The following OVAAL variants were observed in gnomAD, a reference collection of about 807,000 sequenced individuals.
OVAAL encodes the protein ovarian adenocarcinoma amplified long non-coding RNA, also known as long intergenic non-protein coding RNA 1131.
chr1:180,560,870 A>G (rs1653189489), intron 1 of OVAAL, among the ~76,000 whole-genome samples: 1 of 152,246 alleles, frequency 6.6e-6, no homozygotes, highest in Non-Finnish European at 1.5e-5. Flanking sequence ...AGTTTTTGGC[A>G]AATTAAATTA....
chr1:180,561,560 C>G (rs1468450566), intron 1 of OVAAL, among the ~76,000 whole-genome samples: 3 of 152,120 alleles, frequency 2.0e-5, no homozygotes, highest in South Asian at 2.1e-4. Flanking sequence ...CTCAGCCTGG[C>G]TGAGGCTTGT....
chr1:180,562,703 C>T (rs1323331869), intron 2 of OVAAL, among the ~76,000 whole-genome samples: 1 of 152,126 alleles, frequency 6.6e-6, no homozygotes, highest in Admixed American at 6.5e-5. Flanking sequence ...ACAAGGTATT[C>T]AGTAGCGGAT....
intron 2 of OVAAL, among the ~76,000 whole-genome samples, chr1:180,564,092 A>C (rs898571089): frequency 6.6e-6 from 1 of 152,158 alleles, no homozygotes; most frequent in African/African-American, 2.4e-5. Flanking sequence ...GGGCACTATT[A>C]GTTATGTTGG....
intron 2 of OVAAL, among the ~76,000 whole-genome samples, chr1:180,563,962 T>C (rs1221942071): frequency 6.6e-6 from 1 of 152,114 alleles, no homozygotes; most frequent in Non-Finnish European, 1.5e-5. Flanking sequence ...GTCGCCTGAC[T>C]TTCCCGGTGG....
At chr1:180,559,802 A>G (rs546654073) in intron 1 of OVAAL, among the ~76,000 whole-genome samples, 1 of 151,830 alleles carries the variant, frequency 6.6e-6, no homozygotes, top group East Asian at 1.9e-4. Flanking sequence ...GCTACTCAGG[A>G]GGCTGAGGCA....
intron 1 of OVAAL, among the ~76,000 whole-genome samples, chr1:180,561,486 A>G (rs1557912461): frequency 6.6e-6 from 1 of 152,154 alleles, no homozygotes; most frequent in African/African-American, 2.4e-5. Flanking sequence ...ACACATGCTG[A>G]CAGCTCTCAG....
chr1:180,564,785 T>C (rs1439541304), intron 2 of OVAAL, among the ~76,000 whole-genome samples: 1 of 152,092 alleles, frequency 6.6e-6, no homozygotes, highest in African/African-American at 2.4e-5. Flanking sequence ...TTCTCACCCC[T>C]GGCTGCATAT....
chr1:180,559,591 T>A (rs1381291631), intron 1 of OVAAL, among the ~76,000 whole-genome samples: 1 of 152,028 alleles, frequency 6.6e-6, no homozygotes, highest in African/African-American at 2.4e-5. Flanking sequence ...TTCAGAAAAT[T>A]TGCAGCCTGA....
intron 1 of OVAAL, among the ~76,000 whole-genome samples, chr1:180,559,551 C>T (rs917503342): frequency 6.6e-6 from 1 of 152,108 alleles, no homozygotes; most frequent in African/African-American, 2.4e-5. Context: ...TAAAAGCATT[C>T]CATTTTAAAA....
At chr1:180,559,904 TAA>T (rs35042780) in intron 1 of OVAAL, among the ~76,000 whole-genome samples, 1,883 of 140,204 alleles carry the variant, frequency 0.013, 14 homozygotes, top group African/African-American at 0.033. Context: ...AGACTCCATT[TAA>T]AAAAAAAAAA....
At chr1:180,565,120 C>T (rs946365089) in intron 2 of OVAAL, 1 of 152,830 alleles carries the variant, frequency 6.5e-6, no homozygotes, top group Non-Finnish European at 1.5e-5. Flanking sequence ...CCTTCCATGA[C>T]CTTGTCTTGT....
At chr1:180,564,387 C>T (rs1383177715) in intron 2 of OVAAL, among the ~76,000 whole-genome samples, 1 of 152,022 alleles carries the variant, frequency 6.6e-6, no homozygotes, top group Non-Finnish European at 1.5e-5. Context: ...TTTCACTGGG[C>T]ATTCTGTATT....
Position 180,559,605 on chromosome 1 carries a change from T to C in OVAAL, n.373-2599T>C, listed in dbSNP as rs1653165664. Among the ~76,000 whole-genome samples the C allele has an allele frequency of 2.0e-5, 3 of 152,060 alleles. No homozygotes were observed. The South Asian group carries it at 6.2e-4, about 32-fold the overall frequency. On this transcript the variant is annotated intron_variant and non_coding_transcript_variant, in intron 1 of 2. Coordinates refer to ENST00000673955, the Ensembl canonical transcript of OVAAL. ...GTTCAGAAAATTTGCAGCCTGACAA[T>C]GCAGTGGAAAAGAAAAACCCGGCCG...
At chr1:180,563,460 G>C (rs1653241209) in intron 2 of OVAAL, among the ~76,000 whole-genome samples, 1 of 152,180 alleles carries the variant, frequency 6.6e-6, no homozygotes, top group African/African-American at 2.4e-5. Context: ...TTTTAGAGCA[G>C]GAGTGAAAGT....
At chr1:180,564,384 G>A (rs79854609) in intron 2 of OVAAL, among the ~76,000 whole-genome samples, 5,574 of 152,072 alleles carry the variant, frequency 0.037, 343 homozygotes, top group African/African-American at 0.12. Context: ...AAATTTCACT[G>A]GGCATTCTGT....
At chr1:180,566,300 A>T (rs1653286766) in exon 3 of OVAAL, 1 of 151,828 alleles carries the variant, frequency 6.6e-6, no homozygotes. Flanking sequence ...GAACAATGGA[A>T]ATTTTTTTTA....
intron 1 of OVAAL, among the ~76,000 whole-genome samples, chr1:180,560,746 C>A (rs1474618615): frequency 6.6e-6 from 1 of 152,214 alleles, no homozygotes; most frequent in Non-Finnish European, 1.5e-5. Flanking sequence ...AGTTTACAAG[C>A]TGTTGCAACT....
intron 2 of OVAAL, among the ~76,000 whole-genome samples, chr1:180,562,748 C>A (rs1482839886): frequency 6.6e-6 from 1 of 152,166 alleles, no homozygotes; most frequent in South Asian, 2.1e-4. Context: ...GGACAAATAT[C>A]TGAATCAGGG....
chr1:180,559,718 C>A (rs1653168458), intron 1 of OVAAL, among the ~76,000 whole-genome samples: 1 of 151,872 alleles, frequency 6.6e-6, no homozygotes, highest in Non-Finnish European at 1.5e-5. Flanking sequence ...CCAGCCTGAC[C>A]AACATGGTGA....
Sources: gnomAD v4.1 joint callset for allele counts (sites outside exome capture counted in the v4.1 genomes callset) on GRCh38, gnomAD v4.1.1 for gene constraint, MANE v1.5 for transcripts, NCBI Gene and HGNC (gene_info 2026-07-23, HGNC 2026-07-21) for gene names.